USP6NL: variants seen among roughly 807,000 people sequenced by gnomAD.
The protein encoded by USP6NL is USP6 N-terminal-like protein.
Under a neutral mutation model 61.9 loss-of-function variants are expected in USP6NL, and 26 were observed. The ratio of observed to expected loss-of-function variants is 0.42; its 90% CI spans 0.31 to 0.58. The LOEUF (loss-of-function observed/expected upper bound fraction) is 0.58, where lower values mean the gene tolerates loss of function less well. Ranked by LOEUF, USP6NL falls within the 20% of genes least tolerant of loss-of-function variation. The pLI is 0.16. For synonymous variants in USP6NL, 432 were observed against 390.1 expected (o/e 1.11, Z -1.27); for missense variants, 1,114 against 1,034.3 (o/e 1.08, Z -1.06).
At chr10:11,500,264 C>T (rs1024414533) in intron 7 of USP6NL, among the ~76,000 whole-genome samples, 4 of 152,036 alleles carry the variant, frequency 2.6e-5, no homozygotes, top group African/African-American at 9.7e-5. Context: ...CAGCAAACCA[C>T]CATGGCATGG....
intron 1 of USP6NL, among the ~76,000 whole-genome samples, chr10:11,607,515 C>T (rs1838747228): frequency 3.3e-5 from 5 of 152,092 alleles, no homozygotes; most frequent in Admixed American, 2.6e-4. Flanking sequence ...GAAACCTCAT[C>T]TCTACCAAAA....
At chr10:11,501,235 G>A in intron 6 of USP6NL, 27 bp from the exon 7 acceptor site, 1 of 1,559,526 alleles carries the variant, frequency 6.4e-7, no homozygotes, top group Non-Finnish European at 8.7e-7. Context: ...GAAACTGAAG[G>A]TTACAAACTG....
In USP6NL at chr10:11,574,707, A is replaced by C. The variant is rs1466963060; in HGVS notation, c.4+22924T>G. Among the ~76,000 whole-genome samples the C allele has an allele frequency of 6.6e-6, 1 of 152,112 alleles. No homozygotes were observed. Among genetic ancestry groups the C allele is most frequent in the Non-Finnish European group, 1.5e-5 (1 of 68,012 alleles). Reference sequence around the variant, plus strand: ...TATTTTTCTTTCCTTCCCATGAATTATTTTGACATTTTTAACATATCATAA... The same window carrying C: ...TATTTTTCTTTCCTTCCCATGAATTCTTTTGACATTTTTAACATATCATAA... On this transcript the variant is annotated intron_variant, in intron 2 of 14. Coordinates refer to ENST00000609104, the MANE Select transcript of USP6NL (RefSeq NM_014688.5). The surrounding 1 kb of genome is among the most constrained non-coding windows in gnomAD (Gnocchi z 4.3).
Position 11,489,278 on chromosome 10 carries a change from T to C in USP6NL, c.544-56A>G. The C allele has an allele frequency of 1.3e-6, 2 of 1,590,266 alleles. No homozygotes were observed. Among genetic ancestry groups the C allele is most frequent in the Non-Finnish European group, 1.7e-6 (2 of 1,166,266 alleles). On this transcript the variant is annotated intron_variant, in intron 9 of 14. Coordinates refer to ENST00000609104, the MANE Select transcript of USP6NL (RefSeq NM_014688.5). The surrounding 1 kb of genome is among the most constrained non-coding windows in gnomAD (Gnocchi z 5.7). ...GGAGTTCAGTCGAATTACATGCATA[T>C]GTACAGAGAAAAAGCTACTCTATAA...
intron 2 of USP6NL, among the ~76,000 whole-genome samples, chr10:11,594,004 G>A (rs905992572): frequency 6.6e-6 from 1 of 152,150 alleles, no homozygotes; most frequent in African/African-American, 2.4e-5. Flanking sequence ...GGGGAAAAAA[G>A]CTAAGCCATC....
intron 2 of USP6NL, among the ~76,000 whole-genome samples, chr10:11,573,078 A>G (rs140101544): frequency 1.5e-3 from 233 of 152,278 alleles, no homozygotes; most frequent in African/African-American, 4.9e-3. Flanking sequence ...ACATATAATC[A>G]TAAACAGAAT....
Position 11,528,257 on chromosome 10 carries a change from G to GT in USP6NL, c.5-691dup, listed in dbSNP as rs968665626. Among the ~76,000 whole-genome samples, 3 of 149,882 alleles carry GT rather than the reference G, an allele frequency of 2.0e-5. No individual in the cohort carries two copies. The South Asian group carries it at 6.4e-4, about 32-fold the overall frequency. ...GAAATAGTATGAATATATACCATAAGTTTTTTTAAAAGATCAATAACAGAC... is the reference window on the plus strand; with the variant it reads ...GAAATAGTATGAATATATACCATAAGTTTTTTTTAAAAGATCAATAACAGAC... On this transcript the variant is annotated intron_variant, in intron 2 of 14. Transcript: ENST00000609104. This position sits in a 1 kb window ranked among gnomAD's most constrained non-coding sequence, Gnocchi z 4.6.
Position 11,461,328 on chromosome 10 carries a change from C to T in USP6NL, c.*1113G>A, listed in dbSNP as rs1369755791. 2 of 151,900 alleles carry T rather than the reference C, an allele frequency of 1.3e-5. No individual in the cohort carries two copies. The highest frequency in any genetic ancestry group is 3.9e-4 in the East Asian group (2 of 5,176). The allele number at this position is 151,900 out of a possible 1,614,324, so 9.4% of individuals were successfully genotyped here. On this transcript the variant is annotated 3_prime_UTR_variant, in exon 15 of 15. Transcript: ENST00000609104. Reference sequence around the variant, plus strand: ...CTGTATTTTTTAAAAGATCAAAATCCTAGACTCCTATGAAAAACTAGGATC... The same window carrying T: ...CTGTATTTTTTAAAAGATCAAAATCTTAGACTCCTATGAAAAACTAGGATC...
At chr10:11,531,346 C>T (rs1025235327) in intron 2 of USP6NL, among the ~76,000 whole-genome samples, 3 of 151,246 alleles carry the variant, frequency 2.0e-5, no homozygotes, top group Middle Eastern at 3.2e-3. Context: ...TTTTTGAGAC[C>T]GAGTCTCACT....
chr10:11,463,182 G>A lies in USP6NL; in HGVS notation c.1746C>T (p.Tyr582=). Residue 582 remains tyrosine (Y), a synonymous_variant, in exon 15 of 15, where the codon TAC becomes TAT. Coordinates refer to ENST00000609104, the MANE Select transcript of USP6NL (RefSeq NM_014688.5). The surrounding 1 kb of genome is among the most constrained non-coding windows in gnomAD (Gnocchi z 6.3). ...CAGCGTGCTTTCTCGGGCTAGGAGG[G>A]TAAAGGGCATGCCGGGGGCTCTGGG... ...AYSQSPRHAL[Y]PPSPRKHAEP... The A allele has an allele frequency of 3.7e-6, 6 of 1,613,688 alleles. No homozygotes were observed. Among genetic ancestry groups the A allele is most frequent in the Non-Finnish European group, 5.1e-6 (6 of 1,179,890 alleles).
chr10:11,476,000 C>T (rs1406934599), intron 14 of USP6NL, among the ~76,000 whole-genome samples: 1 of 151,946 alleles, frequency 6.6e-6, no homozygotes, highest in Non-Finnish European at 1.5e-5. Context: ...CCTGAGTGTG[C>T]GACATTCCAC....
Position 11,468,217 on chromosome 10 carries a change from T to G in USP6NL, c.1079-4368A>C, listed in dbSNP as rs1276425649. ...GATTTACATTATTCAACTTTAATCCTCTGTAAAAAGTGGAACTACATTTTT... is the reference window on the plus strand; with the variant it reads ...GATTTACATTATTCAACTTTAATCCGCTGTAAAAAGTGGAACTACATTTTT... On this transcript the variant is annotated intron_variant, in intron 14 of 14. Transcript: ENST00000609104. This position sits in a 1 kb window ranked among gnomAD's most constrained non-coding sequence, Gnocchi z 4.5. 6.6e-6 allele frequency among the ~76,000 whole-genome samples: 1 copy of G among 152,190 alleles called. No homozygotes were observed. The highest frequency in any genetic ancestry group is 1.5e-5 in the Non-Finnish European group (1 of 68,032).
intron 2 of USP6NL, chr10:11,563,834 G>C (rs920663401): frequency 1.3e-5 from 2 of 152,072 alleles, no homozygotes; most frequent in East Asian, 3.9e-4. Context: ...CTACACAGAC[G>C]ACTCCCAGCC....
intron 2 of USP6NL, among the ~76,000 whole-genome samples, chr10:11,593,132 G>C (rs960070190): frequency 1.3e-5 from 2 of 152,212 alleles, no homozygotes; most frequent in Admixed American, 1.3e-4. Flanking sequence ...CCAGCCAGAA[G>C]AGAAAAACTC....
At chr10:11,606,974 G>A (rs933422006) in intron 1 of USP6NL, among the ~76,000 whole-genome samples, 1 of 152,108 alleles carries the variant, frequency 6.6e-6, no homozygotes, top group East Asian at 1.9e-4. Flanking sequence ...ATTTCTGGTA[G>A]AGATGGAGTT....
intron 2 of USP6NL, among the ~76,000 whole-genome samples, chr10:11,584,270 T>A (rs974793498): frequency 1.4e-4 from 21 of 152,210 alleles, no homozygotes; most frequent in African/African-American, 5.1e-4. Context: ...TAATTCAACG[T>A]AACATCACAT....
Position 11,589,879 on chromosome 10 carries a change from T to C in USP6NL, c.4+7752A>G, listed in dbSNP as rs1310024996. On this transcript the variant is annotated intron_variant, in intron 2 of 14. Transcript: ENST00000609104. This position sits in a 1 kb window ranked among gnomAD's most constrained non-coding sequence, Gnocchi z 4.7. ...GAGAACAAAATCAAACCGGTGCCGC[T>C]CCAGGGTACCAAGGCAATGCCAGGG... Among the ~76,000 whole-genome samples, 1 of 152,180 alleles carries C rather than the reference T, an allele frequency of 6.6e-6. No individual in the cohort carries two copies. The highest frequency in any genetic ancestry group is 1.5e-5 in the Non-Finnish European group (1 of 68,040).
At chr10:11,501,316 A>G (rs1282369786) in intron 6 of USP6NL, 108 bp from the exon 7 acceptor site, 2 of 829,646 alleles carry the variant, frequency 2.4e-6, no homozygotes, top group Non-Finnish European at 3.7e-6. Flanking sequence ...CAAAGCATCT[A>G]TGGCAATTAA....
rs1405523705 is a variant in USP6NL at position 11,598,480 on chromosome 10, T to C, written c.-83-763A>G. On this transcript the variant is annotated intron_variant, in intron 1 of 14. Transcript: ENST00000609104. This position sits in a 1 kb window ranked among gnomAD's most constrained non-coding sequence, Gnocchi z 4.7. ...ACTTTATAAATCTTCCTTTCTTAAT[T>C]ACTGTATTTCTAAAATATTAATATA... Among the ~76,000 whole-genome samples the C allele has an allele frequency of 1.3e-5, 2 of 152,182 alleles. No individual in the cohort carries two copies. The highest frequency in any genetic ancestry group is 4.8e-5 in the African/African-American group (2 of 41,452).
Sources: gnomAD v4.1 joint callset for allele counts (sites outside exome capture counted in the v4.1 genomes callset) on GRCh38, gnomAD v4.1.1 for gene constraint, Gnocchi (gnomAD v3.1) non-coding constraint, MANE v1.5 for transcripts, NCBI Gene and HGNC (gene_info 2026-07-23, HGNC 2026-07-21) for gene names.